Variants in CDH13 observed in about 807,000 individuals in gnomAD.
CDH13 encodes the protein cadherin 13, also known as cadherin-13.
Under a neutral mutation model 63.8 loss-of-function variants are expected in CDH13, and 24 were observed. The ratio of observed to expected loss-of-function variants is 0.38; its 90% CI spans 0.27 to 0.53. CDH13 has a LOEUF of 0.53. Among genes scored for constraint, CDH13 ranks in the 20% least tolerant of loss-of-function variants. The pLI, the probability that CDH13 is intolerant of heterozygous loss-of-function variation, is 0.85. For synonymous variants in CDH13, 503 were observed against 355.3 expected (o/e 1.42, Z -4.67); for missense variants, 1,049 against 903.1 (o/e 1.16, Z -2.07).
intron 1 of CDH13, among the ~76,000 whole-genome samples, chr16:82,630,800 T>G (rs1251386534): frequency 6.6e-6 from 1 of 152,240 alleles, no homozygotes; most frequent in Non-Finnish European, 1.5e-5. Flanking sequence ...GACAGTCATA[T>G]CATCTACGTA....
At chr16:83,069,085 C>A (rs9926310) in intron 3 of CDH13, among the ~76,000 whole-genome samples, 2 of 152,072 alleles carry the variant, frequency 1.3e-5, no homozygotes, top group Non-Finnish European at 2.9e-5. Flanking sequence ...AAAGGCATGT[C>A]TTTCACTTAT....
chr16:83,373,488 A>T (rs764379518), intron 6 of CDH13, among the ~76,000 whole-genome samples: 1 of 152,160 alleles, frequency 6.6e-6, no homozygotes, highest in South Asian at 2.1e-4. Flanking sequence ...GACCTGAAAG[A>T]GTAAGGCATG....
intron 7 of CDH13, among the ~76,000 whole-genome samples, chr16:83,570,812 A>G (rs933434106): frequency 7.5e-6 from 1 of 133,380 alleles, no homozygotes; most frequent in Admixed American, 8.5e-5. Flanking sequence ...AAATATATAT[A>G]TTTATAAATA....
intron 5 of CDH13, among the ~76,000 whole-genome samples, chr16:83,329,539 G>T (rs2090438429): frequency 6.6e-6 from 1 of 151,986 alleles, no homozygotes; most frequent in African/African-American, 2.4e-5. Context: ...GTTTTTGATT[G>T]TGATGAAAAA....
At chr16:83,455,214 G>T (rs1409503555) in intron 6 of CDH13, among the ~76,000 whole-genome samples, 1 of 152,180 alleles carries the variant, frequency 6.6e-6, no homozygotes. Context: ...TTTTTCATCA[G>T]TGAACAATAC....
intron 6 of CDH13, among the ~76,000 whole-genome samples, chr16:83,432,244 A>G (rs2072141251): frequency 6.6e-6 from 1 of 152,208 alleles, no homozygotes; most frequent in Non-Finnish European, 1.5e-5. Flanking sequence ...TGAATTACCA[A>G]CATGAGCTGC....
chr16:82,631,104 C>T (rs1269477455), intron 1 of CDH13, among the ~76,000 whole-genome samples: 1 of 152,220 alleles, frequency 6.6e-6, no homozygotes, highest in East Asian at 1.9e-4. Flanking sequence ...TGCTCTCTTG[C>T]TTTCTCGCTA....
intron 10 of CDH13, among the ~76,000 whole-genome samples, chr16:83,734,013 G>C (rs577839916): frequency 3.3e-5 from 5 of 152,254 alleles, no homozygotes; most frequent in African/African-American, 7.2e-5. Context: ...GTAATAAAGT[G>C]TTATTAGTGT....
intron 2 of CDH13, among the ~76,000 whole-genome samples, chr16:82,934,789 C>T (rs1351095558): frequency 6.6e-6 from 1 of 152,240 alleles, no homozygotes; most frequent in Non-Finnish European, 1.5e-5. Flanking sequence ...GTGACCTTTG[C>T]TTCAGTTCTC....
intron 5 of CDH13, among the ~76,000 whole-genome samples, chr16:83,342,396 G>T (rs1236152989): frequency 6.6e-6 from 1 of 152,154 alleles, no homozygotes; most frequent in East Asian, 1.9e-4. Flanking sequence ...CATGTAGTGA[G>T]TCCTCAAATA....
chr16:83,620,182 A>G (rs942941735), intron 8 of CDH13, among the ~76,000 whole-genome samples: 1 of 152,066 alleles, frequency 6.6e-6, no homozygotes, highest in African/African-American at 2.4e-5. Flanking sequence ...CACGAGGTCA[A>G]GAGATGGAGA....
chr16:82,923,473 C>G (rs149909098), intron 2 of CDH13, among the ~76,000 whole-genome samples: 6 of 152,314 alleles, frequency 3.9e-5, no homozygotes, highest in Non-Finnish European at 7.3e-5. Flanking sequence ...GTTTCCATCT[C>G]TAAAAGTTTT....
intron 1 of CDH13, among the ~76,000 whole-genome samples, chr16:82,628,918 C>T (rs76763104): frequency 0.014 from 2,161 of 152,308 alleles, 25 homozygotes; most frequent in Middle Eastern, 0.034. Context: ...AATCTGCTGC[C>T]TTCCTAGGAC....
intron 2 of CDH13, among the ~76,000 whole-genome samples, chr16:83,003,360 A>G (rs138204554): frequency 6.6e-6 from 1 of 151,780 alleles, no homozygotes; most frequent in Admixed American, 6.6e-5. Context: ...TTGCATTGAT[A>G]ATTTATCTAT....
intron 3 of CDH13, among the ~76,000 whole-genome samples, chr16:83,058,914 T>A (rs1267104974): frequency 6.6e-6 from 1 of 152,194 alleles, no homozygotes; most frequent in Non-Finnish European, 1.5e-5. Context: ...CTTTTTTTAA[T>A]CTTCTTAACT....
intron 8 of CDH13, among the ~76,000 whole-genome samples, chr16:83,617,362 T>G (rs549355846): frequency 2.0e-5 from 3 of 152,162 alleles, no homozygotes; most frequent in Non-Finnish European, 4.4e-5. Flanking sequence ...CTCTATTATG[T>G]ATGCTATTCT....
At chr16:82,855,341 T>G (rs1332901558) in intron 1 of CDH13, among the ~76,000 whole-genome samples, 2 of 152,166 alleles carry the variant, frequency 1.3e-5, no homozygotes, top group Non-Finnish European at 2.9e-5. Context: ...TTTCTCTCAG[T>G]CCTGACTTTT....
At chr16:83,453,563 G>C (rs1469342430) in intron 6 of CDH13, among the ~76,000 whole-genome samples, 1 of 152,096 alleles carries the variant, frequency 6.6e-6, no homozygotes, top group East Asian at 1.9e-4. Flanking sequence ...CAATGTTGAT[G>C]GGTGTCCTAC....
At chr16:82,878,921 A>C (rs764552540) in intron 2 of CDH13, among the ~76,000 whole-genome samples, 1 of 152,114 alleles carries the variant, frequency 6.6e-6, no homozygotes, top group Non-Finnish European at 1.5e-5. Flanking sequence ...GCTGCATGAG[A>C]TCCTCACCTT....
Sources: gnomAD v4.1 joint callset for allele counts (sites outside exome capture counted in the v4.1 genomes callset) on GRCh38, gnomAD v4.1.1 for gene constraint, MANE v1.5 for transcripts, NCBI Gene and HGNC (gene_info 2026-07-23, HGNC 2026-07-21) for gene names.